FRMD6: variants seen among roughly 807,000 people sequenced by gnomAD.
The protein encoded by FRMD6 is FERM domain-containing protein 6.
A neutral mutation model predicts 73.2 loss-of-function variants in FRMD6; 37 were observed. The observed-to-expected ratio is 0.51, with a 90% CI of 0.39 to 0.66. FRMD6 has a LOEUF of 0.66. FRMD6 is among the 30% of genes least tolerant of loss of function. FRMD6 has a pLI of 0.00. For missense variants in FRMD6, 714 were observed against 780.5 expected (o/e 0.91, Z 1.02); for synonymous variants, 273 against 282.2 (o/e 0.97, Z 0.33).
chr14:51,590,004 A>G (rs10140717), intron 2 of FRMD6, among the ~76,000 whole-genome samples: 30,225 of 149,240 alleles, frequency 0.2, 5,184 homozygotes, highest in African/African-American at 0.47. Flanking sequence ...TGAGGCGGAG[A>G]TTGCAGCAAG....
chr14:51,504,218 C>T (rs148903614), intron 1 of FRMD6, among the ~76,000 whole-genome samples: 58 of 152,276 alleles, frequency 3.8e-4, no homozygotes, highest in African/African-American at 1.3e-3. Flanking sequence ...AGCTCCAGAC[C>T]CTAGTTGCCT....
At chr14:51,560,523 T>A (rs970005059) in intron 1 of FRMD6, among the ~76,000 whole-genome samples, 3 of 152,210 alleles carry the variant, frequency 2.0e-5, no homozygotes, top group African/African-American at 7.2e-5. Flanking sequence ...TCGCTCTTGT[T>A]GCCCAGGCTG....
the FRMD6 span, among the ~76,000 whole-genome samples, chr14:51,411,344 C>G: frequency 6.6e-6 from 1 of 151,986 alleles, no homozygotes; most frequent in Non-Finnish European, 1.5e-5. Context: ...GGAATATTCA[C>G]CAAAAAAGCA....
chr14:51,685,535 C>T (rs1216097427), intron 1 of FRMD6, among the ~76,000 whole-genome samples: 4 of 152,168 alleles, frequency 2.6e-5, no homozygotes, highest in South Asian at 2.1e-4. Flanking sequence ...AAAAACAGAA[C>T]TCATTTTACT....
chr14:51,414,425 T>G, the FRMD6 span, among the ~76,000 whole-genome samples: 1 of 152,192 alleles, frequency 6.6e-6, no homozygotes, highest in Non-Finnish European at 1.5e-5. Context: ...TTTTCCCATT[T>G]CTTGTGTTTG....
chr14:51,530,545 A>G (rs748111032), intron 1 of FRMD6, among the ~76,000 whole-genome samples: 4 of 152,200 alleles, frequency 2.6e-5, no homozygotes, highest in Non-Finnish European at 4.4e-5. Context: ...CAGTGGCACA[A>G]TCTTGGCTCA....
At chr14:51,431,430 A>G in the FRMD6 span, among the ~76,000 whole-genome samples, 1 of 152,240 alleles carries the variant, frequency 6.6e-6, no homozygotes, top group African/African-American at 2.4e-5. Context: ...CACCCACAGT[A>G]CTACCCGGTA....
At chr14:51,574,963 A>G (rs1419015665) in intron 2 of FRMD6, among the ~76,000 whole-genome samples, 2 of 152,208 alleles carry the variant, frequency 1.3e-5, no homozygotes, top group African/African-American at 4.8e-5. Flanking sequence ...CATAGTATGT[A>G]CCCATAAAAA....
chr14:51,458,584 C>A, the FRMD6 span, among the ~76,000 whole-genome samples: 2 of 152,164 alleles, frequency 1.3e-5, no homozygotes, highest in Admixed American at 1.3e-4. Context: ...GTTCCAGAAC[C>A]AATTGGCTGT....
chr14:51,668,274 A>G (rs1447981327), intron 1 of FRMD6, among the ~76,000 whole-genome samples: 1 of 152,186 alleles, frequency 6.6e-6, no homozygotes, highest in Non-Finnish European at 1.5e-5. Flanking sequence ...ATTTAAGGGT[A>G]AGATACTAAG....
intron 1 of FRMD6, among the ~76,000 whole-genome samples, chr14:51,518,864 C>A (rs188341288): frequency 6.6e-6 from 1 of 152,110 alleles, no homozygotes; most frequent in Non-Finnish European, 1.5e-5. Context: ...CTTATTATAG[C>A]AAATTATGCA....
rs548475600 is a variant in FRMD6 at position 51,619,837 on chromosome 14, GA to G, written c.-147+49435del. 1.4e-3 allele frequency among the ~76,000 whole-genome samples: 210 copies of G among 151,864 alleles called. 1 individual carries two copies. The highest frequency in any genetic ancestry group is 4.8e-3 in the African/African-American group (198 of 41,450). ...TTAGGGGTATAATATTACTCCATGA[GA>G]AAAAAAAGTTAGAAGTTGAAAAGAA... On this transcript the variant is annotated intron_variant, in intron 2 of 14. Transcript: ENST00000356218.
At chr14:51,576,420 C>A in intron 2 of FRMD6, among the ~76,000 whole-genome samples, 1 of 152,184 alleles carries the variant, frequency 6.6e-6, no homozygotes, top group East Asian at 1.9e-4. Flanking sequence ...ACGTAGTTTG[C>A]CCAGGCAGTT....
At chr14:51,482,938 G>A in the FRMD6 span, among the ~76,000 whole-genome samples, 10 of 152,014 alleles carry the variant, frequency 6.6e-5, no homozygotes, top group South Asian at 2.1e-4. Flanking sequence ...TCCTGACCTC[G>A]TGATCTACCC....
intron 2 of FRMD6, among the ~76,000 whole-genome samples, chr14:51,695,114 G>A (rs1895857960): frequency 6.6e-6 from 1 of 152,036 alleles, no homozygotes; most frequent in Non-Finnish European, 1.5e-5. Flanking sequence ...CATTTAGTTT[G>A]TGGTTTGGAA....
upstream of FRMD6, chr14:51,649,513 C>T (rs866180040): frequency 2.6e-5 from 4 of 152,226 alleles, 1 homozygote; most frequent in South Asian, 8.3e-4. Flanking sequence ...GATTTAGGAA[C>T]TGTTTTCCAA....
At chr14:51,568,404 T>C (rs1887900882) in intron 1 of FRMD6, among the ~76,000 whole-genome samples, 1 of 152,246 alleles carries the variant, frequency 6.6e-6, no homozygotes, top group South Asian at 2.1e-4. Flanking sequence ...GAAACAGGTG[T>C]AATGGGAGGA....
At chr14:51,502,917 T>C (rs1232961568) in intron 1 of FRMD6, among the ~76,000 whole-genome samples, 1 of 152,232 alleles carries the variant, frequency 6.6e-6, no homozygotes, top group Non-Finnish European at 1.5e-5. Flanking sequence ...TTCACATCTC[T>C]TGTTAGCTGT....
chr14:51,716,242 T>C (rs1162452204), intron 10 of FRMD6, among the ~76,000 whole-genome samples: 1 of 152,130 alleles, frequency 6.6e-6, no homozygotes, highest in Admixed American at 6.5e-5. Flanking sequence ...ATTTCCTCCA[T>C]TTAACACACC....
Sources: allele counts gnomAD v4.1 joint callset (sites outside exome capture counted in the v4.1 genomes callset), GRCh38; gene constraint gnomAD v4.1.1; transcripts MANE v1.5; gene names NCBI Gene and HGNC (gene_info 2026-07-23, HGNC 2026-07-21).